The following EPHA6 variants were observed in gnomAD, a reference collection of about 807,000 sequenced individuals.
EPHA6 encodes the protein EPH receptor A6.
Under a neutral mutation model 112.0 loss-of-function variants are expected in EPHA6, and 50 were observed. That is an observed-to-expected ratio of 0.45 (90% confidence interval 0.36 to 0.56). The LOEUF (loss-of-function observed/expected upper bound fraction) is 0.56. Among genes scored for constraint, EPHA6 ranks in the 20% least tolerant of loss-of-function variants. The pLI is 0.00. For synonymous variants in EPHA6, 529 were observed against 490.7 expected, an observed-to-expected ratio of 1.08 and a Z score of -1.03; for missense variants, 1,280 against 1,417.4, an observed-to-expected ratio of 0.90 and a Z score of 1.56.
At chr3:97,554,053 G>C (rs566825862) in intron 11 of EPHA6, among the ~76,000 whole-genome samples, 1 of 152,248 alleles carries the variant, frequency 6.6e-6, no homozygotes, top group South Asian at 2.1e-4. Context: ...ATTATTAACA[G>C]CAACAACTTA....
At chr3:97,058,106 A>G (rs1245256641) in intron 3 of EPHA6, among the ~76,000 whole-genome samples, 1 of 152,218 alleles carries the variant, frequency 6.6e-6, no homozygotes, top group Admixed American at 6.5e-5. Context: ...TAGGTAATCA[A>G]TTTAACTATG....
At chr3:96,847,817 G>T (rs2035158057) in intron 1 of EPHA6, among the ~76,000 whole-genome samples, 1 of 152,084 alleles carries the variant, frequency 6.6e-6, no homozygotes, top group South Asian at 2.1e-4. Flanking sequence ...CACAATTTGG[G>T]CAAGTAATCT....
At chr3:96,866,579 T>C (rs1032491983) in intron 1 of EPHA6, among the ~76,000 whole-genome samples, 2 of 151,866 alleles carry the variant, frequency 1.3e-5, no homozygotes, top group African/African-American at 4.8e-5. Flanking sequence ...TAATTTCATT[T>C]AGCATTGTTT....
intron 2 of EPHA6, among the ~76,000 whole-genome samples, chr3:96,931,572 A>G (rs1359228108): frequency 6.6e-6 from 1 of 152,204 alleles, no homozygotes; most frequent in Non-Finnish European, 1.5e-5. Context: ...TGGTGTAGCA[A>G]AGCAGCTATG....
At chr3:97,547,773 C>G (rs1352781333) in intron 11 of EPHA6, among the ~76,000 whole-genome samples, 1 of 152,192 alleles carries the variant, frequency 6.6e-6, no homozygotes, top group Non-Finnish European at 1.5e-5. Flanking sequence ...AATGGTGGCG[C>G]CCCTCCCCCA....
chr3:96,824,527 A>G (rs1293382985), intron 1 of EPHA6, among the ~76,000 whole-genome samples: 3 of 151,958 alleles, frequency 2.0e-5, no homozygotes, highest in African/African-American at 7.2e-5. Context: ...ATAAGCAAAT[A>G]TTCATCCAAT....
chr3:97,031,138 G>A (rs1259778629), intron 3 of EPHA6, among the ~76,000 whole-genome samples: 7 of 151,994 alleles, frequency 4.6e-5, no homozygotes, highest in African/African-American at 1.7e-4. Flanking sequence ...GAGAAATAAT[G>A]CTGCATATCT....
intron 3 of EPHA6, among the ~76,000 whole-genome samples, chr3:97,035,651 A>G (rs2045063050): frequency 2.0e-5 from 3 of 151,772 alleles, no homozygotes; most frequent in Non-Finnish European, 4.4e-5. Context: ...TTTTCTTTAT[A>G]TTTTCAACTT....
At chr3:97,155,121 T>C (rs2076259640) in intron 3 of EPHA6, among the ~76,000 whole-genome samples, 1 of 152,116 alleles carries the variant, frequency 6.6e-6, no homozygotes, top group African/African-American at 2.4e-5. Flanking sequence ...ATCTTAAAAA[T>C]AGAATATGTA....
In EPHA6 at chr3:96,827,313, G is replaced by T. The variant is rs1049635940; in HGVS notation, c.385+12305G>T. 2.0e-5 allele frequency among the ~76,000 whole-genome samples: 3 copies of T among 152,256 alleles called. No individual in the cohort carries two copies. In the South Asian group the frequency reaches 6.2e-4, roughly 32 times the overall value. On this transcript the variant is annotated intron_variant, in intron 1 of 17. Transcript: ENST00000389672. ...GGATGACTCTCCATGTGAAAGCAAA[G>T]AAGTTTTCTTTTCCAGCCCTCATTC...
intron 3 of EPHA6, among the ~76,000 whole-genome samples, chr3:96,999,103 A>G (rs2043533416): frequency 6.6e-6 from 1 of 151,760 alleles, no homozygotes; most frequent in African/African-American, 2.4e-5. Flanking sequence ...AATTAATCTG[A>G]TTATTTAGTG....
At chr3:97,644,472 A>C (rs1248643413) in intron 14 of EPHA6, among the ~76,000 whole-genome samples, 1 of 151,714 alleles carries the variant, frequency 6.6e-6, no homozygotes, top group African/African-American at 2.4e-5. Context: ...GACACAAAAA[A>C]CCCTTCAAAA....
chr3:97,616,620 G>T (rs1242053223), intron 13 of EPHA6, among the ~76,000 whole-genome samples: 2 of 151,970 alleles, frequency 1.3e-5, no homozygotes, highest in East Asian at 3.9e-4. Flanking sequence ...CACAATAAAA[G>T]AATTTCATAA....
chr3:97,615,842 C>T (rs1029303232), intron 13 of EPHA6, among the ~76,000 whole-genome samples: 3 of 152,106 alleles, frequency 2.0e-5, no homozygotes, highest in Non-Finnish European at 4.4e-5. Flanking sequence ...GTATGGAGAG[C>T]CCAGAAAGGG....
intron 10 of EPHA6, among the ~76,000 whole-genome samples, chr3:97,526,863 T>C (rs1012930226): frequency 6.6e-6 from 1 of 150,536 alleles, no homozygotes; most frequent in Admixed American, 6.6e-5. Context: ...ATGGCACAGA[T>C]GGATGAGTCT....
chr3:97,108,785 CA>C (rs1231576776), intron 3 of EPHA6, among the ~76,000 whole-genome samples: 1 of 152,166 alleles, frequency 6.6e-6, no homozygotes, highest in Admixed American at 6.6e-5. Context: ...ACCTTGACCT[CA>C]CTTCCAAATA....
intron 5 of EPHA6, among the ~76,000 whole-genome samples, chr3:97,403,171 T>C (rs1268874071): frequency 6.6e-6 from 1 of 152,116 alleles, no homozygotes; most frequent in African/African-American, 2.4e-5. Flanking sequence ...TTTATATATA[T>C]ATGAAACAGC....
At chr3:97,736,897 C>T (rs947224067) in intron 16 of EPHA6, among the ~76,000 whole-genome samples, 2 of 151,964 alleles carry the variant, frequency 1.3e-5, no homozygotes, top group Non-Finnish European at 2.9e-5. Context: ...CAGTGCATAT[C>T]CAAAGCTCAC....
chr3:97,449,140 C>T (rs1392054315), intron 7 of EPHA6, among the ~76,000 whole-genome samples: 2 of 152,058 alleles, frequency 1.3e-5, no homozygotes, highest in Non-Finnish European at 2.9e-5. Context: ...AGATGAACAC[C>T]ACTGACATGC....
Sources: gnomAD v4.1 joint callset for allele counts (sites outside exome capture counted in the v4.1 genomes callset) on GRCh38, gnomAD v4.1.1 for gene constraint, MANE v1.5 for transcripts, NCBI Gene and HGNC (gene_info 2026-07-23, HGNC 2026-07-21) for gene names.